Variants in LRRC8D observed in about 807,000 individuals in gnomAD.
LRRC8D encodes the protein leucine rich repeat containing 8 VRAC subunit D.
Under a neutral mutation model 55.8 loss-of-function variants are expected in LRRC8D, and 20 were observed. The ratio of observed to expected loss-of-function variants is 0.36; its 90% confidence interval spans 0.25 to 0.52. The LOEUF (loss-of-function observed/expected upper bound fraction) is 0.52, where lower values mean the gene tolerates loss of function less well. Ranked by LOEUF, LRRC8D falls within the 20% of genes least tolerant of loss-of-function variation. The pLI is 0.93. For missense variants in LRRC8D, 651 were observed against 1,030.8 expected, an observed-to-expected ratio of 0.63 and a Z score of 5.05; for synonymous variants, 352 against 377.0, an observed-to-expected ratio of 0.93 and a Z score of 0.77.
At chr1:89,856,494 T>C (rs1661556866) in intron 2 of LRRC8D, among the ~76,000 whole-genome samples, 2 of 152,226 alleles carry the variant, frequency 1.3e-5, no homozygotes, top group African/African-American at 4.8e-5. Flanking sequence ...GGGAGCAGTA[T>C]ATGCCTGCAG....
At chr1:89,876,370 C>T (rs189427736) in intron 2 of LRRC8D, among the ~76,000 whole-genome samples, 4 of 152,262 alleles carry the variant, frequency 2.6e-5, no homozygotes, top group Non-Finnish European at 5.9e-5. Flanking sequence ...CCACCTCAGA[C>T]CCACTAAATC....
intron 2 of LRRC8D, among the ~76,000 whole-genome samples, chr1:89,901,653 A>G (rs1453837508): frequency 6.6e-6 from 1 of 152,204 alleles, no homozygotes; most frequent in Non-Finnish European, 1.5e-5. Flanking sequence ...TACGCAGACT[A>G]AACATGTGTT....
chr1:89,875,244 AT>A (rs1361156964), intron 2 of LRRC8D, among the ~76,000 whole-genome samples: 14 of 152,210 alleles, frequency 9.2e-5, no homozygotes, highest in Non-Finnish European at 1.3e-4. Context: ...TAGATTTCAA[AT>A]TTTAAAATAT....
In LRRC8D at chr1:89,935,408, G is replaced by A. The variant is rs1433679593; in HGVS notation, c.2340G>A (p.Leu780=). 6.2e-7 allele frequency: 1 copy of A among 1,614,226 alleles called. No homozygotes were observed. The highest frequency in any genetic ancestry group is 1.1e-5 in the South Asian group (1 of 91,076). Residue 780 remains leucine, a synonymous_variant, in exon 3 of 3, where the codon TTG becomes TTA. Coordinates refer to ENST00000337338, the MANE Select transcript of LRRC8D (RefSeq NM_001134479.2). ...QLFKCIKLRT[L]NLGQNCITSL... ...TTAAATGCATAAAGTTGAGGACTTT[G>A]AATCTGGGACAGAACTGCATCACCT...
intron 1 of LRRC8D, among the ~76,000 whole-genome samples, chr1:89,821,669 G>C (rs1348004287): frequency 6.6e-6 from 1 of 152,160 alleles, no homozygotes; most frequent in African/African-American, 2.4e-5. Context: ...TTTCGGCTCT[G>C]CTGGTTCCTC....
At chr1:89,912,603 C>T (rs1663162572) in intron 2 of LRRC8D, among the ~76,000 whole-genome samples, 1 of 152,098 alleles carries the variant, frequency 6.6e-6, no homozygotes, top group Non-Finnish European at 1.5e-5. Context: ...TGAAGAAAAT[C>T]ACCTCCTTAA....
intron 1 of LRRC8D, among the ~76,000 whole-genome samples, chr1:89,828,860 T>C (rs1354723154): frequency 1.3e-5 from 2 of 152,172 alleles, no homozygotes; most frequent in African/African-American, 4.8e-5. Flanking sequence ...TTGCTACATC[T>C]TAGCATCGAC....
chr1:89,838,756 G>A (rs1376532820), intron 1 of LRRC8D, among the ~76,000 whole-genome samples: 2 of 152,022 alleles, frequency 1.3e-5, no homozygotes, highest in African/African-American at 4.8e-5. Context: ...AGGAAGCTTG[G>A]AAAAAATGTA....
intron 2 of LRRC8D, 32 bp downstream of exon 2, chr1:89,843,814 G>C: frequency 1.6e-6 from 1 of 633,388 alleles, no homozygotes. Flanking sequence ...TCCAGGGAGC[G>C]GGTCGGGAAG....
chr1:89,905,801 T>A (rs1205730626), intron 2 of LRRC8D, among the ~76,000 whole-genome samples: 1 of 152,110 alleles, frequency 6.6e-6, no homozygotes, highest in Non-Finnish European at 1.5e-5. Context: ...CAGGCAAATC[T>A]CAAAGAGGAC....
chr1:89,844,374 A>C (rs1212658016), intron 2 of LRRC8D, among the ~76,000 whole-genome samples: 2 of 152,174 alleles, frequency 1.3e-5, no homozygotes, highest in African/African-American at 2.4e-5. Flanking sequence ...GGCCATGCCA[A>C]ACAGAGGGAA....
intron 2 of LRRC8D, among the ~76,000 whole-genome samples, chr1:89,853,891 C>T (rs946012479): frequency 5.9e-5 from 9 of 151,988 alleles, no homozygotes; most frequent in Non-Finnish European, 8.8e-5. Context: ...CAGATACACG[C>T]GGGTGTGTAC....
chr1:89,824,071 C>G (rs1302438346), intron 1 of LRRC8D, among the ~76,000 whole-genome samples: 1 of 152,140 alleles, frequency 6.6e-6, no homozygotes, highest in South Asian at 2.1e-4. Context: ...TTATGGTTAT[C>G]ATAGCGAGGT....
intron 2 of LRRC8D, among the ~76,000 whole-genome samples, chr1:89,887,341 A>G (rs899860651): frequency 3.9e-5 from 6 of 152,110 alleles, no homozygotes; most frequent in Non-Finnish European, 8.8e-5. Flanking sequence ...TGTTGAGTGA[A>G]TTTTTCTAGA....
intron 2 of LRRC8D, among the ~76,000 whole-genome samples, chr1:89,875,146 G>A (rs1020878523): frequency 2.0e-5 from 3 of 152,074 alleles, no homozygotes; most frequent in Non-Finnish European, 2.9e-5. Flanking sequence ...TAAGTAGCCC[G>A]GTAGAATCTT....
At chr1:89,851,087 T>G (rs1041175477) in intron 2 of LRRC8D, among the ~76,000 whole-genome samples, 4 of 151,982 alleles carry the variant, frequency 2.6e-5, no homozygotes, top group Non-Finnish European at 5.9e-5. Context: ...TTTTTGTCTT[T>G]TCTTTTCTTC....
chr1:89,918,409 AT>A (rs756858789), intron 2 of LRRC8D, among the ~76,000 whole-genome samples: 13 of 152,228 alleles, frequency 8.5e-5, no homozygotes, highest in Non-Finnish European at 1.9e-4. Context: ...CTCAGTCAGA[AT>A]TTCTGCCTCC....
intron 2 of LRRC8D, among the ~76,000 whole-genome samples, chr1:89,904,442 G>A (rs1324483259): frequency 3.3e-5 from 5 of 152,246 alleles, no homozygotes; most frequent in Admixed American, 3.3e-4. Context: ...AGGGGAAAGG[G>A]AGGAAGGAAA....
At chr1:89,861,232 T>C (rs1661713695) in intron 2 of LRRC8D, among the ~76,000 whole-genome samples, 1 of 152,152 alleles carries the variant, frequency 6.6e-6, no homozygotes, top group African/African-American at 2.4e-5. Flanking sequence ...ACCACCTCTG[T>C]CCCCTGCTAA....
Sources: gnomAD v4.1 joint callset for allele counts (sites outside exome capture counted in the v4.1 genomes callset) on GRCh38, gnomAD v4.1.1 for gene constraint, MANE v1.5 for transcripts, NCBI Gene and HGNC (gene_info 2026-07-23, HGNC 2026-07-21) for gene names.